The following ESRRB variants were observed in gnomAD, a reference collection of about 807,000 sequenced individuals.
ESRRB encodes the protein steroid hormone receptor ERR2.
Under a neutral mutation model 46.0 loss-of-function variants are expected in ESRRB, and 16 were observed. The ratio of observed to expected loss-of-function variants is 0.35; its 90% CI spans 0.24 to 0.53. The LOEUF is 0.53. ESRRB is among the 20% of genes least tolerant of loss of function. The probability of loss-of-function intolerance (pLI) is 0.93; values close to 1 mark genes in which losing one functional copy is unlikely to be tolerated. For missense variants in ESRRB, 488 were observed against 607.4 expected (o/e 0.80, Z 2.07); for synonymous variants, 246 against 259.6 (o/e 0.95, Z 0.50).
At chr14:76,380,776 A>T (rs183894863) in intron 1 of ESRRB, among the ~76,000 whole-genome samples, 24 of 152,060 alleles carry the variant, frequency 1.6e-4, no homozygotes, top group African/African-American at 5.8e-4. Flanking sequence ...TGAATGTTCA[A>T]CCTCTGGGGT....
intron 1 of ESRRB, among the ~76,000 whole-genome samples, chr14:76,358,328 AAAGAAAG>A (rs1884413765): frequency 6.5e-3 from 248 of 38,234 alleles, no homozygotes; most frequent in Middle Eastern, 0.023. Flanking sequence ...AAAAAAAAAG[AAAGAAAG>A]AAAGAAAGAA....
intron 3 of ESRRB, among the ~76,000 whole-genome samples, chr14:76,468,391 C>A: frequency 1.2e-5 from 1 of 82,210 alleles, no homozygotes; most frequent in African/African-American, 6.1e-5. Context: ...ACACACACTG[C>A]CCCCCCCCCA....
chr14:76,353,387 T>C (rs920733135), intron 1 of ESRRB, among the ~76,000 whole-genome samples: 11 of 152,198 alleles, frequency 7.2e-5, no homozygotes, highest in Non-Finnish European at 1.3e-4. Context: ...AGGTTCACCC[T>C]GTATGTCTTG....
chr14:76,358,176 G>A (rs1041966126), intron 1 of ESRRB, among the ~76,000 whole-genome samples: 5 of 151,810 alleles, frequency 3.3e-5, no homozygotes, highest in African/African-American at 4.8e-5. Flanking sequence ...TCCAGGCGTG[G>A]TGGCGGGCGC....
At chr14:76,452,345 G>T (rs2139964926) in intron 2 of ESRRB, among the ~76,000 whole-genome samples, 1 of 152,196 alleles carries the variant, frequency 6.6e-6, no homozygotes, top group African/African-American at 2.4e-5. Context: ...AGTGGATTCA[G>T]GCTGGGCACA....
At position 76,491,779 on chromosome 14, in the gene ESRRB, C is replaced by T. The variant is rs569835900; in HGVS notation, c.1120+63C>T. 2.6e-4 allele frequency: 394 copies of T among 1,501,266 alleles called. 1 individual carries two copies. The African/African-American group carries it at 4.9e-3, about 19-fold the overall frequency. 93.0% of individuals were successfully genotyped at this position (1,501,266 alleles called of 1,614,324 possible). A position where few individuals can be genotyped will look rare whatever the true frequency, so the allele number is the denominator to read the frequency against. ...GGGCTCTGCATGGGCCTAATGAGCC[C>T]ATCCCTGGGGCCTGTGGGCAGGGCT... On this transcript the variant is annotated intron_variant, in intron 6 of 6. Coordinates refer to ENST00000644823, the MANE Select transcript of ESRRB (RefSeq NM_001379180.1).
At chr14:76,310,811 T>C (rs1362442315) in exon 1 of ESRRB, 4 of 453,580 alleles carry the variant, frequency 8.8e-6, no homozygotes, top group Non-Finnish European at 1.8e-5. Context: ...GACTGTCAGC[T>C]GGTACCGGAG....
At chr14:76,384,009 A>G (rs1566868832) in intron 1 of ESRRB, among the ~76,000 whole-genome samples, 1 of 152,126 alleles carries the variant, frequency 6.6e-6, no homozygotes, top group Non-Finnish European at 1.5e-5. Context: ...CTCACCGCCT[A>G]TGCTTGGAAC....
At chr14:76,485,906 A>G (rs556532264) in intron 5 of ESRRB, among the ~76,000 whole-genome samples, 1 of 152,334 alleles carries the variant, frequency 6.6e-6, no homozygotes, top group South Asian at 2.1e-4. Flanking sequence ...AGAAGTCACT[A>G]CACATGAGGT....
chr14:76,353,732 G>A (rs947331005), intron 1 of ESRRB, among the ~76,000 whole-genome samples: 1 of 152,048 alleles, frequency 6.6e-6, no homozygotes, highest in African/African-American at 2.4e-5. Flanking sequence ...CAGGAGGATC[G>A]CTTGAGCCCA....
intron 1 of ESRRB, among the ~76,000 whole-genome samples, chr14:76,425,410 G>A (rs1483844499): frequency 6.6e-6 from 1 of 152,156 alleles, no homozygotes; most frequent in African/African-American, 2.4e-5. Flanking sequence ...GGGATTCAGG[G>A]AAAGGGACTC....
chr14:76,344,521 G>A (rs147962600), intron 1 of ESRRB, among the ~76,000 whole-genome samples: 1,678 of 151,974 alleles, frequency 0.011, 34 homozygotes, highest in African/African-American at 0.038. Context: ...AACATATGAT[G>A]TTTGGTTTTC....
At chr14:76,457,207 C>T (rs1490477424) in intron 2 of ESRRB, among the ~76,000 whole-genome samples, 1 of 152,178 alleles carries the variant, frequency 6.6e-6, no homozygotes, top group African/African-American at 2.4e-5. Context: ...TCAGGTTCTA[C>T]CAGTGCCTGC....
intron 3 of ESRRB, among the ~76,000 whole-genome samples, chr14:76,466,716 A>ATT (rs113456652): frequency 2.1e-5 from 3 of 145,654 alleles, no homozygotes; most frequent in African/African-American, 7.5e-5. Context: ...TGCCCGTGTA[A>ATT]TTTTTTTTTT....
rs577562179 is a variant in ESRRB at position 76,403,784 on chromosome 14, TG to T, written c.50+27335del. On this transcript the variant is annotated intron_variant, in intron 1 of 6. Coordinates refer to ENST00000644823, the MANE Select transcript of ESRRB (RefSeq NM_001379180.1). ...TCTTGTTGCCCAGGCTGGAGTGCAATGGCACAATCTCAGTTCACTGCAACCT... is the reference window on the plus strand; with the variant it reads ...TCTTGTTGCCCAGGCTGGAGTGCAATGCACAATCTCAGTTCACTGCAACCT... 4.1e-3 allele frequency among the ~76,000 whole-genome samples: 620 copies of T among 152,118 alleles called. 6 individuals carry two copies. Among genetic ancestry groups the T allele is most frequent in the African/African-American group, 0.014 (573 of 41,498 alleles).
At chr14:76,312,034 G>A (rs1342445578) in intron 1 of ESRRB, among the ~76,000 whole-genome samples, 1 of 122,696 alleles carries the variant, frequency 8.2e-6, no homozygotes, top group Non-Finnish European at 1.7e-5. Context: ...CTTTTTAAAT[G>A]TACCTTTTTT....
At chr14:76,426,443 G>A (rs1595105862) in intron 1 of ESRRB, among the ~76,000 whole-genome samples, 1 of 152,282 alleles carries the variant, frequency 6.6e-6, no homozygotes, top group East Asian at 1.9e-4. Flanking sequence ...TTAACTTTTG[G>A]TGAACTCCTA....
chr14:76,462,484 G>T (rs1219467305), intron 2 of ESRRB, 61 bp from the exon 3 acceptor site: 5 of 1,284,052 alleles, frequency 3.9e-6, no homozygotes, highest in South Asian at 1.2e-5. Flanking sequence ...CCAGCCCTGC[G>T]CTGGCAGGTG....
In ESRRB at chr14:76,494,054, C is replaced by G. The variant is rs569509090; in HGVS notation, c.1120+2338C>G. ...CCACTTCCTTTCTCCTGAACACATG[C>G]CCCCCGTAAATGTCTGTACCTAAAC... On this transcript the variant is annotated intron_variant, in intron 6 of 6. Coordinates refer to ENST00000644823, the MANE Select transcript of ESRRB (RefSeq NM_001379180.1). 2.6e-5 allele frequency among the ~76,000 whole-genome samples: 4 copies of G among 152,292 alleles called. No homozygotes were observed. The East Asian group carries it at 7.7e-4, about 29-fold the overall frequency.
Sources: gnomAD v4.1 joint callset for allele counts (sites outside exome capture counted in the v4.1 genomes callset) on GRCh38, gnomAD v4.1.1 for gene constraint, MANE v1.5 for transcripts, NCBI Gene and HGNC (gene_info 2026-07-23, HGNC 2026-07-21) for gene names.